WDFY4: variants seen among roughly 807,000 people sequenced by gnomAD.
The protein encoded by WDFY4 is WDFY family member 4.
A neutral mutation model predicts 351.9 loss-of-function variants in WDFY4; 169 were observed. The ratio of observed to expected loss-of-function variants is 0.48; its 90% confidence interval spans 0.42 to 0.55. The LOEUF (loss-of-function observed/expected upper bound fraction) is 0.55, where lower values mean the gene tolerates loss of function less well. Ranked by LOEUF, WDFY4 falls within the 20% of genes least tolerant of loss-of-function variation. WDFY4 has a pLI of 0.00. For missense variants in WDFY4, 3,803 were observed against 3,935.6 expected (o/e 0.97, Z 0.90); for synonymous variants, 1,622 against 1,574.6 (o/e 1.03, Z -0.71).
At chr10:48,867,933 T>C (rs1348630449) in intron 40 of WDFY4, among the ~76,000 whole-genome samples, 6 of 152,344 alleles carry the variant, frequency 3.9e-5, no homozygotes, top group Non-Finnish European at 8.8e-5. Context: ...GAGATTATGA[T>C]ACTCCTGTGT....
intron 43 of WDFY4, among the ~76,000 whole-genome samples, chr10:48,886,691 G>C (rs1355457623): frequency 6.6e-6 from 1 of 152,136 alleles, no homozygotes; most frequent in Non-Finnish European, 1.5e-5. Flanking sequence ...ACCCAGTCTG[G>C]GGTATTCTGT....
At chr10:48,937,100 G>A (rs1231458577) in intron 47 of WDFY4, among the ~76,000 whole-genome samples, 2 of 151,858 alleles carry the variant, frequency 1.3e-5, no homozygotes. Flanking sequence ...TTCCATGTTG[G>A]CTAGGCTGGT....
chr10:48,875,783 T>C (rs1404533604), intron 42 of WDFY4, among the ~76,000 whole-genome samples: 2 of 152,228 alleles, frequency 1.3e-5, no homozygotes, highest in Non-Finnish European at 2.9e-5. Context: ...TTGAGCTTGC[T>C]ACCTTGCCTG....
intron 12 of WDFY4, among the ~76,000 whole-genome samples, chr10:48,750,671 G>A (rs1247578055): frequency 6.6e-6 from 1 of 152,198 alleles, no homozygotes; most frequent in Admixed American, 6.5e-5. Context: ...TCTTTGGTTT[G>A]TGTTTGCACA....
intron 40 of WDFY4, among the ~76,000 whole-genome samples, chr10:48,870,027 G>C (rs921437007): frequency 1.3e-5 from 2 of 152,226 alleles, no homozygotes; most frequent in African/African-American, 4.8e-5. Context: ...CTTCCTCTGT[G>C]TGGGCTCCTG....
At chr10:48,899,727 C>A (rs2133405106) in intron 45 of WDFY4, among the ~76,000 whole-genome samples, 1 of 152,240 alleles carries the variant, frequency 6.6e-6, no homozygotes, top group East Asian at 1.9e-4. Context: ...TAAGGAAATA[C>A]CCCTGACAAA....
rs532608200 is a variant in WDFY4, at chr10:48,918,774, G to A, written c.7586+16911G>A. ...GGGGGTAGGATGGTGACAGGGCTTG[G>A]GGGAAGACCTGCCTTGTACATTGTA... On this transcript the variant is annotated intron_variant, in intron 47 of 61. Transcript: ENST00000325239. 2.6e-5 allele frequency among the ~76,000 whole-genome samples: 4 copies of A among 152,256 alleles called. No individual in the cohort carries two copies. The East Asian group carries it at 7.7e-4, about 29-fold the overall frequency.
chr10:48,937,533 A>G (rs1840461159), intron 47 of WDFY4, among the ~76,000 whole-genome samples: 1 of 152,124 alleles, frequency 6.6e-6, no homozygotes, highest in South Asian at 2.1e-4. Flanking sequence ...TCCTTGCCCC[A>G]CACCTCCATA....
chr10:48,804,471 G>A (rs913475236), intron 25 of WDFY4, among the ~76,000 whole-genome samples: 5 of 149,452 alleles, frequency 3.3e-5, no homozygotes, highest in Admixed American at 6.7e-5. Flanking sequence ...TGCTGAGCCT[G>A]TAATTATAAA....
At chr10:48,685,821 T>C (rs1432026907) in intron 1 of WDFY4, among the ~76,000 whole-genome samples, 2 of 151,282 alleles carry the variant, frequency 1.3e-5, no homozygotes, top group Non-Finnish European at 2.9e-5. Flanking sequence ...ATTTAACAAA[T>C]AGGTATTGAG....
At chr10:48,978,124 G>C (rs1174759931) in intron 59 of WDFY4, among the ~76,000 whole-genome samples, 185 bp from the exon 60 acceptor site, 1 of 152,190 alleles carries the variant, frequency 6.6e-6, no homozygotes, top group Non-Finnish European at 1.5e-5. Context: ...CCAAACCTCT[G>C]CATGAGGAAG....
intron 43 of WDFY4, among the ~76,000 whole-genome samples, chr10:48,888,255 C>G (rs113319233): frequency 6.1e-5 from 9 of 147,834 alleles, no homozygotes; most frequent in Non-Finnish European, 1.0e-4. Context: ...GTCTCCTCCC[C>G]TCCCCTCCCC....
chr10:48,787,515 A>T (rs1212666548), intron 20 of WDFY4, among the ~76,000 whole-genome samples: 1 of 152,226 alleles, frequency 6.6e-6, no homozygotes, highest in South Asian at 2.1e-4. Flanking sequence ...ACCTTTCTCT[A>T]CTAGCACATT....
Position 48,856,794 on chromosome 10 carries a change from T to G in WDFY4, c.6664-10471T>G, listed in dbSNP as rs137932261. Among the ~76,000 whole-genome samples, 548 of 152,320 alleles carry G rather than the reference T, an allele frequency of 3.6e-3. 3 individuals are homozygous for G. Among genetic ancestry groups the G allele is most frequent in the African/African-American group, 0.013 (536 of 41,578 alleles). On this transcript the variant is annotated intron_variant, in intron 39 of 61. Coordinates refer to ENST00000325239, the MANE Select transcript of WDFY4 (RefSeq NM_001394531.1). Reference sequence around the variant, plus strand: ...TGGGAAATATTGGTTCCCTGAGTTATGGAGTTCTCCCAATTGTTGACACAT... The same window carrying G: ...TGGGAAATATTGGTTCCCTGAGTTAGGGAGTTCTCCCAATTGTTGACACAT...
At chr10:48,798,946 G>A (rs2066964160) in intron 24 of WDFY4, among the ~76,000 whole-genome samples, 1 of 152,174 alleles carries the variant, frequency 6.6e-6, no homozygotes, top group African/African-American at 2.4e-5. Context: ...TGGGCTCCCT[G>A]TGCACAAGGG....
intron 12 of WDFY4, among the ~76,000 whole-genome samples, chr10:48,749,625 A>C (rs558852905): frequency 6.6e-6 from 1 of 152,278 alleles, no homozygotes; most frequent in Admixed American, 6.5e-5. Context: ...TGGAGGTGAA[A>C]GTGGAGCAGA....
chr10:48,832,842 A>T, intron 39 of WDFY4, 133 bp downstream of exon 39: 1 of 1,217,258 alleles, frequency 8.2e-7, no homozygotes, highest in Non-Finnish European at 1.1e-6. Flanking sequence ...GAGGGTATGC[A>T]TGTAGCTCCC....
chr10:48,827,709 A>G (rs902040101), intron 36 of WDFY4, among the ~76,000 whole-genome samples: 1 of 150,756 alleles, frequency 6.6e-6, no homozygotes, highest in Admixed American at 6.6e-5. Flanking sequence ...ATGTTTGATC[A>G]CTTGAAAAAA....
rs765252873 is a variant in WDFY4 at position 48,805,430 on chromosome 10, C to T, written c.4646+9C>T. 1.9e-6 allele frequency: 3 copies of T among 1,546,722 alleles called. No homozygotes were observed. The highest frequency in any genetic ancestry group is 2.4e-5 in the East Asian group (1 of 40,900). On this transcript the variant is annotated intron_variant, in intron 26 of 61. Transcript: ENST00000325239. ...ACCCAGGACTTGCTCAGGTACCACA[C>T]CAAGCTGCCCAGGGGGAAGAGCAGG...
Sources: gnomAD v4.1 joint callset for allele counts (sites outside exome capture counted in the v4.1 genomes callset) on GRCh38, gnomAD v4.1.1 for gene constraint, MANE v1.5 for transcripts, NCBI Gene and HGNC (gene_info 2026-07-23, HGNC 2026-07-21) for gene names.